ANK3: variants seen among roughly 807,000 people sequenced by gnomAD.
ANK3 encodes ankyrin 3.
Under a neutral mutation model 370.9 loss-of-function variants are expected in ANK3, and 57 were observed. That is an observed-to-expected ratio of 0.15 (90% confidence interval 0.12 to 0.19). The LOEUF (loss-of-function observed/expected upper bound fraction) is 0.19, where lower values mean the gene tolerates loss of function less well. ANK3 is among the 10% of genes least tolerant of loss of function. The probability of loss-of-function intolerance (pLI) is 1.00; values close to 1 mark genes in which losing one functional copy is unlikely to be tolerated. For synonymous variants in ANK3, 1,929 were observed against 1,946.3 expected (o/e 0.99, Z 0.23); for missense variants, 4,439 against 5,302.1 (o/e 0.84, Z 5.06).
At chr10:60,692,962 G>T (rs1443594533) in intron 1 of ANK3, among the ~76,000 whole-genome samples, 2 of 152,160 alleles carry the variant, frequency 1.3e-5, no homozygotes, top group Non-Finnish European at 2.9e-5. Context: ...TTATAATAGG[G>T]GTGATTTCTG....
chr10:60,636,971 C>T (rs2078563441), intron 1 of ANK3, among the ~76,000 whole-genome samples: 1 of 152,174 alleles, frequency 6.6e-6, no homozygotes, highest in Non-Finnish European at 1.5e-5. Flanking sequence ...ATGCAGAACC[C>T]TTCATACCTG....
At chr10:60,171,713 T>G (rs2095799022) in intron 21 of ANK3, among the ~76,000 whole-genome samples, 1 of 152,172 alleles carries the variant, frequency 6.6e-6, no homozygotes, top group East Asian at 1.9e-4. Context: ...CTTGTAAAAA[T>G]GTAGTTGATG....
intron 1 of ANK3, among the ~76,000 whole-genome samples, chr10:60,682,250 T>C (rs1280433441): frequency 1.3e-5 from 2 of 152,160 alleles, no homozygotes; most frequent in African/African-American, 4.8e-5. Context: ...CACAACCAGA[T>C]TCTAGAAGCC....
At chr10:60,190,949 ATC>A (rs918461741) in intron 16 of ANK3, among the ~76,000 whole-genome samples, 10 of 152,208 alleles carry the variant, frequency 6.6e-5, no homozygotes, top group South Asian at 2.1e-4. Flanking sequence ...CAGCCAACTA[ATC>A]TTTGACAAAG....
Position 60,619,787 on chromosome 10 carries a change from G to A in ANK3, c.58-4563C>T, listed in dbSNP as rs570384595. On this transcript the variant is annotated intron_variant, in intron 1 of 43. Coordinates refer to the ANK3 transcript ENST00000373827. ...CAGGACTTCTGTTGTCAAATGCCAA[G>A]TTCCTCCTGTTTGCCGAAACTGATG... Among the ~76,000 whole-genome samples, 71 of 152,284 alleles carry A rather than the reference G, an allele frequency of 4.7e-4. 1 individual carries two copies. The South Asian group carries it at 0.014, about 30-fold the overall frequency.
intron 2 of ANK3, among the ~76,000 whole-genome samples, chr10:60,492,567 C>G (rs954138062): frequency 2.6e-5 from 4 of 151,406 alleles, no homozygotes; most frequent in African/African-American, 9.7e-5. Flanking sequence ...ATTAGCCGGG[C>G]ATGGTGGCGG....
chr10:60,596,774 G>A (rs1290010931), intron 2 of ANK3, among the ~76,000 whole-genome samples: 1 of 152,100 alleles, frequency 6.6e-6, no homozygotes, highest in Non-Finnish European at 1.5e-5. Flanking sequence ...TTAAAAAAAT[G>A]CAACTATTTA....
At chr10:60,183,079 C>G (rs1300044110) in intron 17 of ANK3, among the ~76,000 whole-genome samples, 3 of 152,182 alleles carry the variant, frequency 2.0e-5, no homozygotes, top group Admixed American at 2.0e-4. Context: ...CCCTCATGCT[C>G]CCATGTCTAG....
At chr10:60,136,315 TTAAC>T (rs1230462014) in intron 24 of ANK3, among the ~76,000 whole-genome samples, 2 of 152,128 alleles carry the variant, frequency 1.3e-5, no homozygotes, top group Non-Finnish European at 2.9e-5. Context: ...ACAAATGAAT[TTAAC>T]TAATTTTAAT....
At chr10:60,625,897 TA>T in intron 1 of ANK3, among the ~76,000 whole-genome samples, 1 of 152,304 alleles carries the variant, frequency 6.6e-6, no homozygotes, top group Non-Finnish European at 1.5e-5. Flanking sequence ...AGGACATTAG[TA>T]CATATTTTTA....
At chr10:60,392,138 A>G (rs1337026376), upstream of ANK3, among the ~76,000 whole-genome samples, 1 of 152,194 alleles carries the variant, frequency 6.6e-6, no homozygotes, top group Non-Finnish European at 1.5e-5. Flanking sequence ...GTAACTCTCA[A>G]GCTCCTTGTG....
chr10:60,669,001 A>T (rs1280650215), intron 1 of ANK3, among the ~76,000 whole-genome samples: 2 of 152,158 alleles, frequency 1.3e-5, no homozygotes, highest in Admixed American at 1.3e-4. Flanking sequence ...TCAAAAAAAA[A>T]AAAATTATTC....
At chr10:60,580,206 C>T (rs1327947952) in intron 2 of ANK3, among the ~76,000 whole-genome samples, 1 of 152,106 alleles carries the variant, frequency 6.6e-6, no homozygotes, top group Non-Finnish European at 1.5e-5. Flanking sequence ...TATGCTTAGT[C>T]TATCAAGATA....
At chr10:60,197,745 A>G (rs1173842278) in intron 14 of ANK3, among the ~76,000 whole-genome samples, 1 of 152,232 alleles carries the variant, frequency 6.6e-6, no homozygotes, top group Non-Finnish European at 1.5e-5. Context: ...TCATCTTGCT[A>G]TCACACTTGC....
chr10:60,653,040 C>T (rs1376577650), intron 1 of ANK3, among the ~76,000 whole-genome samples: 2 of 152,028 alleles, frequency 1.3e-5, no homozygotes, highest in Admixed American at 6.6e-5. Context: ...TAAGAGACCT[C>T]TATAATTTCT....
At chr10:60,635,815 A>C (rs1409616022) in intron 1 of ANK3, among the ~76,000 whole-genome samples, 1 of 152,142 alleles carries the variant, frequency 6.6e-6, no homozygotes, top group Non-Finnish European at 1.5e-5. Context: ...CTCCCATCTC[A>C]CATTGCACAA....
In ANK3 at chr10:60,415,475, C is replaced by T. The variant is rs548084982; in HGVS notation, c.97-135836G>A. ...TCTGCTCCCTCCACCTGCTGCAACC[C>T]GAGTGTCCAGAGTTAGCCACCTGTG... is the stretch of plus-strand genomic sequence containing the variant. On this transcript the variant is annotated intron_variant, in intron 2 of 43. Coordinates refer to the ANK3 transcript ENST00000373827. Among the ~76,000 whole-genome samples, 282 of 152,208 alleles carry T rather than the reference C, an allele frequency of 1.9e-3. 1 individual carries two copies. Among genetic ancestry groups the T allele is most frequent in the African/African-American group, 6.6e-3 (273 of 41,532 alleles).
chr10:60,597,767 T>G (rs1006738802), intron 2 of ANK3, among the ~76,000 whole-genome samples: 3 of 152,176 alleles, frequency 2.0e-5, no homozygotes, highest in Admixed American at 2.0e-4. Context: ...TGTTTTTTGT[T>G]AACTCAAGGA....
chr10:60,055,514 C>T, intron 42 of ANK3, 144 bp downstream of exon 42: 9 of 1,121,712 alleles, frequency 8.0e-6, no homozygotes, highest in Non-Finnish European at 1.1e-5. Context: ...TTCTTTACCT[C>T]CACCATTAGT....
Sources: gnomAD v4.1 joint callset for allele counts (sites outside exome capture counted in the v4.1 genomes callset) on GRCh38, gnomAD v4.1.1 for gene constraint, MANE v1.5 for transcripts, NCBI Gene and HGNC (gene_info 2026-07-23, HGNC 2026-07-21) for gene names.